Variants in AFF1 observed in about 807,000 individuals in gnomAD.
AFF1 encodes the protein ALF transcription elongation factor 1, also known as AF4/FMR2 family member 1.
In AFF1, 48 loss-of-function variants were observed where a neutral mutation model predicts 121.7. That is an observed-to-expected ratio of 0.39 (90% CI 0.31 to 0.50). The LOEUF (loss-of-function observed/expected upper bound fraction) is 0.50, where lower values mean the gene tolerates loss of function less well. Ranked by LOEUF, AFF1 falls within the 20% of genes least tolerant of loss-of-function variation. The pLI is 0.76. For missense variants in AFF1, 1,523 were observed against 1,511.7 expected (o/e 1.01, Z -0.12); for synonymous variants, 613 against 563.0 (o/e 1.09, Z -1.26).
At chr4:86,953,467 T>C (rs1177406191) in intron 2 of AFF1, among the ~76,000 whole-genome samples, 1 of 152,228 alleles carries the variant, frequency 6.6e-6, no homozygotes, top group African/African-American at 2.4e-5. Flanking sequence ...TGCTCAGGGC[T>C]ATCAAAAGTC....
chr4:86,936,614 G>T (rs936078064), intron 1 of AFF1: 1 of 152,142 alleles, frequency 6.6e-6, no homozygotes, highest in African/African-American at 2.4e-5. Flanking sequence ...CCTAGGCATG[G>T]CCCTGTTTCA....
chr4:87,068,257 G>GC (rs70957204), intron 4 of AFF1, among the ~76,000 whole-genome samples: 44,432 of 119,938 alleles, frequency 0.37, 9,469 homozygotes, highest in African/African-American at 0.52. Flanking sequence ...CATGAAAATT[G>GC]CCCCCCCCCC....
intron 2 of AFF1, among the ~76,000 whole-genome samples, chr4:87,031,370 T>G (rs941843976): frequency 1.3e-5 from 2 of 152,216 alleles, no homozygotes; most frequent in African/African-American, 4.8e-5. Flanking sequence ...CTCCTCCATT[T>G]AGAGTTCCTG....
intron 2 of AFF1, among the ~76,000 whole-genome samples, chr4:87,003,444 A>G (rs1458108227): frequency 1.3e-5 from 2 of 152,076 alleles, no homozygotes; most frequent in Non-Finnish European, 2.9e-5. Context: ...AATAGAGACA[A>G]GGACTTGCTA....
chr4:87,052,456 A>C, intron 4 of AFF1, among the ~76,000 whole-genome samples: 1 of 151,632 alleles, frequency 6.6e-6, no homozygotes, highest in African/African-American at 2.4e-5. Flanking sequence ...ATAAACAGAA[A>C]TGAGGGGAGT....
chr4:87,117,445 C>T (rs1178593067), intron 12 of AFF1, among the ~76,000 whole-genome samples: 1 of 152,178 alleles, frequency 6.6e-6, no homozygotes, highest in Non-Finnish European at 1.5e-5. Context: ...CTACACATTA[C>T]ATTCACCTGG....
chr4:87,022,008 G>A (rs1727945888), intron 2 of AFF1, among the ~76,000 whole-genome samples: 1 of 152,154 alleles, frequency 6.6e-6, no homozygotes, highest in East Asian at 1.9e-4. Flanking sequence ...TTTGAGACCA[G>A]CCTAGCTGAC....
intron 4 of AFF1, chr4:87,049,827 G>A: frequency 2.2e-6 from 1 of 444,624 alleles, no homozygotes; most frequent in Non-Finnish European, 4.5e-6. Context: ...CCCTTTGAGG[G>A]CAAATTAGGA....
At chr4:87,113,144 TTAAGG>T (rs1255575465) in intron 11 of AFF1, among the ~76,000 whole-genome samples, 3 of 152,346 alleles carry the variant, frequency 2.0e-5, no homozygotes, top group Middle Eastern at 3.4e-3. Flanking sequence ...GAACTAATAG[TTAAGG>T]TAACGAGCCA....
At chr4:87,046,674 C>T in intron 3 of AFF1, 21 bp from the exon 4 acceptor site, 1 of 1,577,322 alleles carries the variant, frequency 6.3e-7, no homozygotes, top group African/African-American at 1.4e-5. Context: ...TTTTCATTCT[C>T]AAATTCTCCT....
intron 2 of AFF1, among the ~76,000 whole-genome samples, chr4:86,988,845 G>A (rs914910859): frequency 6.6e-6 from 1 of 152,104 alleles, no homozygotes; most frequent in Non-Finnish European, 1.5e-5. Flanking sequence ...CAGATACATA[G>A]ACCAATGGAA....
At chr4:86,988,647 C>T (rs1367958083) in intron 2 of AFF1, among the ~76,000 whole-genome samples, 5 of 152,164 alleles carry the variant, frequency 3.3e-5, no homozygotes, top group Non-Finnish European at 7.3e-5. Flanking sequence ...ATGCTGTCCC[C>T]ATCAAGCTAC....
chr4:87,033,783 C>T (rs546155323), intron 2 of AFF1, among the ~76,000 whole-genome samples: 5 of 151,848 alleles, frequency 3.3e-5, no homozygotes, highest in Non-Finnish European at 7.4e-5. Context: ...AGAGAATGTT[C>T]TTCATAACTG....
chr4:87,009,540 G>A (rs1726515935), intron 2 of AFF1, among the ~76,000 whole-genome samples: 1 of 152,172 alleles, frequency 6.6e-6, no homozygotes, highest in South Asian at 2.1e-4. Flanking sequence ...CCTGGAACTA[G>A]GAACAAAGCC....
rs1721639352 is a variant in AFF1 at position 87,068,698 on chromosome 4, G to C, written c.1060-15422G>C. ...AATATTGCTAAGCAACGGTGTACTT[G>C]AGAGAGCATTTTTAGGAGCAGAGCC... On this transcript the variant is annotated intron_variant, in intron 4 of 20. Transcript: ENST00000395146. 2.0e-5 allele frequency among the ~76,000 whole-genome samples: 3 copies of C among 152,210 alleles called. No individual in the cohort carries two copies. In the South Asian group the frequency reaches 6.2e-4, roughly 31 times the overall value.
chr4:87,028,783 A>G (rs1458337694), intron 2 of AFF1, among the ~76,000 whole-genome samples: 1 of 152,232 alleles, frequency 6.6e-6, no homozygotes, highest in Non-Finnish European at 1.5e-5. Flanking sequence ...GAATATAACT[A>G]TTACTAAATC....
At chr4:86,985,253 G>A (rs1457568704) in intron 2 of AFF1, among the ~76,000 whole-genome samples, 3 of 143,052 alleles carry the variant, frequency 2.1e-5, no homozygotes, top group Non-Finnish European at 4.5e-5. Flanking sequence ...GCTCACGCCT[G>A]TAATCCCAGC....
chr4:86,989,711 A>G (rs984895925), intron 2 of AFF1, among the ~76,000 whole-genome samples: 9 of 152,252 alleles, frequency 5.9e-5, no homozygotes, highest in Admixed American at 2.0e-4. Flanking sequence ...ATTCTGCTAT[A>G]AAGACACATG....
intron 2 of AFF1, among the ~76,000 whole-genome samples, chr4:87,016,612 G>A (rs1039678693): frequency 6.6e-6 from 1 of 151,704 alleles, no homozygotes; most frequent in Non-Finnish European, 1.5e-5. Flanking sequence ...ATTCACTCAT[G>A]TCAAGTGACA....
Sources: allele counts gnomAD v4.1 joint callset (sites outside exome capture counted in the v4.1 genomes callset), GRCh38; gene constraint gnomAD v4.1.1; transcripts MANE v1.5; gene names NCBI Gene and HGNC (gene_info 2026-07-23, HGNC 2026-07-21).